Variants in AGPAT3 observed in about 807,000 individuals in gnomAD.
AGPAT3 encodes 1-acylglycerol-3-phosphate O-acyltransferase 3, also known as 1-acyl-sn-glycerol-3-phosphate acyltransferase gamma.
AGPAT3 carries 5 observed loss-of-function variants against 47.3 expected under a neutral mutation model. The observed-to-expected ratio is 0.11, with a 90% CI of 0.06 to 0.22. The LOEUF is 0.22. Among genes scored for constraint, AGPAT3 ranks in the 10% least tolerant of loss-of-function variants. AGPAT3 has a pLI of 1.00. For synonymous variants in AGPAT3, 212 were observed against 208.3 expected (o/e 1.02, Z -0.15); for missense variants, 315 against 493.0 (o/e 0.64, Z 3.42).
chr21:43,949,108 A>G (rs1001945332), intron 2 of AGPAT3, among the ~76,000 whole-genome samples: 3 of 152,102 alleles, frequency 2.0e-5, no homozygotes, highest in Non-Finnish European at 4.4e-5. Flanking sequence ...AGTTTTCCAT[A>G]TGAACTATAG....
intron 2 of AGPAT3, among the ~76,000 whole-genome samples, chr21:43,929,677 G>C (rs1469004429): frequency 3.0e-4 from 45 of 152,224 alleles, no homozygotes; most frequent in Admixed American, 2.9e-3. Context: ...ACCTGCAGAG[G>C]CTTGGCCTGT....
chr21:43,930,530 C>T lies in AGPAT3; in HGVS notation c.-49+26511C>T, dbSNP rs1237725342. 4.6e-5 allele frequency among the ~76,000 whole-genome samples: 7 copies of T among 152,088 alleles called. No homozygotes were observed. In the East Asian group the frequency reaches 1.4e-3, roughly 29 times the overall value. On this transcript the variant is annotated intron_variant, in intron 2 of 9. Transcript: ENST00000291572. The surrounding 1 kb of genome is among the most constrained non-coding windows in gnomAD (Gnocchi z 5.0). Reference sequence around the variant, plus strand: ...CTTACTGTCCCTGTTCTCTGGGCCTCTCTCAGACCTTGGGGACAGCAAGCT... The same window carrying T: ...CTTACTGTCCCTGTTCTCTGGGCCTTTCTCAGACCTTGGGGACAGCAAGCT...
chr21:43,907,058 G>A (rs4819341), intron 2 of AGPAT3, among the ~76,000 whole-genome samples: 7 of 145,732 alleles, frequency 4.8e-5, no homozygotes, highest in African/African-American at 1.8e-4. Flanking sequence ...TTGAGAGGGG[G>A]TCTCTCTCTG....
rs147921456 is a variant in AGPAT3, at chr21:43,879,964, G to A, written c.-112+14619G>A. ...CATGTGGGCCTCTCCCTATGCTCCT[G>A]GGGTGGAACTGAGAAGACGTGGGTT... On this transcript the variant is annotated intron_variant, in intron 1 of 9. Transcript: ENST00000291572. 4.5e-4 allele frequency among the ~76,000 whole-genome samples: 68 copies of A among 152,306 alleles called. No individual in the cohort carries two copies. In the East Asian group the frequency reaches 0.013, roughly 28 times the overall value.
rs369924470 is a variant in AGPAT3, at chr21:43,894,395, AT to A, written c.-111-9550del. On this transcript the variant is annotated intron_variant, in intron 1 of 9. Coordinates refer to ENST00000291572, the MANE Select transcript of AGPAT3 (RefSeq NM_020132.5). Reference sequence around the variant, plus strand: ...GATTATGGTATTCTTTGGGTTTTCTATTTTTTTTTTTTGGTAACAGCTTTGT... The same window carrying A: ...GATTATGGTATTCTTTGGGTTTTCTATTTTTTTTTTTGGTAACAGCTTTGT... Among the ~76,000 whole-genome samples, 786 of 136,828 alleles carry A rather than the reference AT, an allele frequency of 5.7e-3. 8 individuals are homozygous for A. Among genetic ancestry groups the A allele is most frequent in the African/African-American group, 0.016 (615 of 38,462 alleles). The allele number at this position is 136,828 out of a possible 152,430, so 89.8% of individuals were successfully genotyped here.
intron 1 of AGPAT3, among the ~76,000 whole-genome samples, chr21:43,869,505 A>G (rs1372021228): frequency 6.6e-6 from 1 of 152,234 alleles, no homozygotes; most frequent in African/African-American, 2.4e-5. Flanking sequence ...TGGGTTATGC[A>G]CTTGTCAGTT....
intron 7 of AGPAT3, among the ~76,000 whole-genome samples, chr21:43,973,568 G>A (rs9647232): frequency 0.35 from 53,124 of 152,176 alleles, 9,462 homozygotes; most frequent in Admixed American, 0.39. Context: ...AGCCCCCCAC[G>A]GAGAGACTCC....
intron 2 of AGPAT3, among the ~76,000 whole-genome samples, chr21:43,914,436 CT>C (rs1490757562): frequency 6.6e-6 from 1 of 151,948 alleles, no homozygotes; most frequent in Non-Finnish European, 1.5e-5. Context: ...GCCTTTGGTA[CT>C]TTTGTTAGAG....
intron 1 of AGPAT3, among the ~76,000 whole-genome samples, chr21:43,882,283 A>G (rs754292313): frequency 6.6e-6 from 1 of 152,264 alleles, no homozygotes; most frequent in Non-Finnish European, 1.5e-5. Flanking sequence ...CTGTGTTATT[A>G]ATAAAGCATT....
At chr21:43,866,862 G>T (rs1471990538) in intron 1 of AGPAT3, among the ~76,000 whole-genome samples, 1 of 152,226 alleles carries the variant, frequency 6.6e-6, no homozygotes, top group African/African-American at 2.4e-5. Flanking sequence ...CCAGGGGGAC[G>T]CGCTGCAGCA....
chr21:43,960,346 C>T (rs1301765233), intron 3 of AGPAT3, among the ~76,000 whole-genome samples: 1 of 152,180 alleles, frequency 6.6e-6, no homozygotes, highest in South Asian at 2.1e-4. Flanking sequence ...GTGTATTATA[C>T]ATAGAGAAAC....
intron 2 of AGPAT3, among the ~76,000 whole-genome samples, chr21:43,929,703 C>G (rs1240848383): frequency 2.0e-5 from 3 of 152,204 alleles, no homozygotes; most frequent in Admixed American, 6.5e-5. Flanking sequence ...CTGCTCCTTA[C>G]TGGGATGGAG....
At chr21:43,926,636 CTTTTTTTTTTTTTTTT>C (rs557494803) in intron 2 of AGPAT3, among the ~76,000 whole-genome samples, 4 of 86,538 alleles carry the variant, frequency 4.6e-5, no homozygotes, top group African/African-American at 1.5e-4. Flanking sequence ...CTACGCTGGC[CTTTTTTTTTTTTTTTT>C]TTTTTTTTTT....
rs187577335 is a variant in AGPAT3, at chr21:43,912,238, C to T, written c.-49+8219C>T. ...TCCAGCCTGCCAGAGTGGCAGAGGA[C>T]GATGCCGGGGCCATGGGGCAATCCT... On this transcript the variant is annotated intron_variant, in intron 2 of 9. Coordinates refer to ENST00000291572, the MANE Select transcript of AGPAT3 (RefSeq NM_020132.5). 1.9e-4 allele frequency among the ~76,000 whole-genome samples: 29 copies of T among 152,372 alleles called. No individual in the cohort carries two copies. The East Asian group carries it at 3.9e-3, about 20-fold the overall frequency.
intron 2 of AGPAT3, among the ~76,000 whole-genome samples, chr21:43,910,568 G>A (rs943730040): frequency 6.6e-6 from 1 of 152,208 alleles, no homozygotes; most frequent in Non-Finnish European, 1.5e-5. Context: ...GCGGAGGGCC[G>A]AGGAGGGCCG....
intron 2 of AGPAT3, chr21:43,916,413 G>T (rs1476763207): frequency 1.3e-5 from 2 of 152,026 alleles, no homozygotes; most frequent in East Asian, 3.9e-4. Flanking sequence ...AAGTGTGTCG[G>T]GTTATTTGGT....
At chr21:43,915,301 C>G (rs1289695403) in intron 2 of AGPAT3, among the ~76,000 whole-genome samples, 2 of 151,712 alleles carry the variant, frequency 1.3e-5, no homozygotes, top group East Asian at 3.9e-4. Flanking sequence ...GTCCGCCCTC[C>G]TCAACTTCCC....
At chr21:43,869,485 C>T (rs536480118) in intron 1 of AGPAT3, among the ~76,000 whole-genome samples, 5 of 152,262 alleles carry the variant, frequency 3.3e-5, no homozygotes, top group East Asian at 1.9e-4. Context: ...AGAGGAAGAC[C>T]GCGTCAGTTT....
At chr21:43,894,667 A>G (rs1227312355) in intron 1 of AGPAT3, among the ~76,000 whole-genome samples, 1 of 152,208 alleles carries the variant, frequency 6.6e-6, no homozygotes. Flanking sequence ...TCTTATTTCT[A>G]GGTCTTACTT....
Sources: allele counts gnomAD v4.1 joint callset (sites outside exome capture counted in the v4.1 genomes callset), GRCh38; gene constraint gnomAD v4.1.1; non-coding constraint Gnocchi (gnomAD v3.1); transcripts MANE v1.5; gene names NCBI Gene and HGNC (gene_info 2026-07-23, HGNC 2026-07-21).